The following PDE4B variants were observed in gnomAD, a reference collection of about 807,000 sequenced individuals.
PDE4B encodes the protein 3',5'-cyclic-AMP phosphodiesterase 4B.
PDE4B carries 20 observed loss-of-function variants against 82.2 expected under a neutral mutation model. That is an observed-to-expected ratio of 0.24 (90% CI 0.17 to 0.35). PDE4B has a LOEUF of 0.35. Among genes scored for constraint, PDE4B ranks in the 10% least tolerant of loss-of-function variants. The probability of loss-of-function intolerance (pLI) is 1.00; values close to 1 mark genes in which losing one functional copy is unlikely to be tolerated. For synonymous variants in PDE4B, 320 were observed against 318.9 expected (o/e 1.00, Z -0.04); for missense variants, 655 against 907.2 (o/e 0.72, Z 3.57).
chr1:66,188,209 A>AT (rs1244644879), intron 3 of PDE4B, among the ~76,000 whole-genome samples: 1 of 151,976 alleles, frequency 6.6e-6, no homozygotes, highest in Non-Finnish European at 1.5e-5. Context: ...ACAGTTTGTT[A>AT]TAATTTCTGT....
intron 1 of PDE4B, among the ~76,000 whole-genome samples, chr1:65,875,851 G>A (rs1646634931): frequency 6.6e-6 from 1 of 151,398 alleles, no homozygotes; most frequent in Non-Finnish European, 1.5e-5. Flanking sequence ...ACCTAATGTT[G>A]GATGACGAGT....
At chr1:65,918,213 G>A (rs1381809243) in intron 2 of PDE4B, among the ~76,000 whole-genome samples, 2 of 152,130 alleles carry the variant, frequency 1.3e-5, no homozygotes, top group Admixed American at 1.3e-4. Flanking sequence ...TTTTCTCATA[G>A]TTTGTTCCCA....
chr1:66,035,676 G>A (rs1011657229), intron 3 of PDE4B, among the ~76,000 whole-genome samples: 19 of 152,072 alleles, frequency 1.2e-4, no homozygotes, highest in Non-Finnish European at 2.4e-4. Context: ...TTTTGTAAAG[G>A]CTGAAAAGTA....
chr1:66,367,445 A>T, intron 13 of PDE4B: 1 of 331,600 alleles, frequency 3.0e-6, no homozygotes, highest in Non-Finnish European at 5.5e-6. Flanking sequence ...ATATAGAAGG[A>T]GTAAAAGGAT....
chr1:66,144,440 A>ATTT (rs1201497031), intron 3 of PDE4B, among the ~76,000 whole-genome samples: 3 of 152,148 alleles, frequency 2.0e-5, no homozygotes, highest in African/African-American at 7.2e-5. Flanking sequence ...AATTCCTGAA[A>ATTT]CTCTAGTAGA....
chr1:65,850,216 C>G (rs1223371560), intron 1 of PDE4B, among the ~76,000 whole-genome samples: 1 of 150,540 alleles, frequency 6.6e-6, no homozygotes, highest in African/African-American at 2.4e-5. Context: ...CCTGCCTCAG[C>G]CTCCCAAGTA....
intron 1 of PDE4B, among the ~76,000 whole-genome samples, chr1:65,793,557 T>G (rs1008134831): frequency 6.6e-6 from 1 of 152,250 alleles, no homozygotes; most frequent in South Asian, 2.1e-4. Flanking sequence ...GCAGAAGGAT[T>G]CAGGGCTTGG....
At chr1:66,013,495 A>G (rs1245762919) in intron 3 of PDE4B, among the ~76,000 whole-genome samples, 1 of 152,146 alleles carries the variant, frequency 6.6e-6, no homozygotes, top group Non-Finnish European at 1.5e-5. Flanking sequence ...GTGGTGAAAC[A>G]CAACCCAAAA....
At chr1:66,230,612 C>T (rs1042921530) in intron 3 of PDE4B, among the ~76,000 whole-genome samples, 9 of 152,088 alleles carry the variant, frequency 5.9e-5, no homozygotes, top group Admixed American at 1.3e-4. Context: ...ATTTAATTTG[C>T]GCATCACAAA....
chr1:66,107,833 A>G (rs1645400011), intron 3 of PDE4B, among the ~76,000 whole-genome samples: 1 of 151,966 alleles, frequency 6.6e-6, no homozygotes, highest in African/African-American at 2.4e-5. Context: ...AGACAATAAA[A>G]GCTGTTTGTA....
intron 7 of PDE4B, among the ~76,000 whole-genome samples, chr1:66,297,603 C>G (rs1015906099): frequency 6.6e-6 from 1 of 152,110 alleles, no homozygotes; most frequent in Non-Finnish European, 1.5e-5. Context: ...TCCAAAAAGT[C>G]CTTTTTATTA....
At chr1:66,239,790 CTAAG>C (rs1652739653) in intron 3 of PDE4B, among the ~76,000 whole-genome samples, 1 of 152,116 alleles carries the variant, frequency 6.6e-6, no homozygotes. Flanking sequence ...AGTAGAGAAA[CTAAG>C]TGTTGATATT....
chr1:66,238,100 T>C (rs1652604192), intron 3 of PDE4B, among the ~76,000 whole-genome samples: 1 of 152,186 alleles, frequency 6.6e-6, no homozygotes, highest in Non-Finnish European at 1.5e-5. Context: ...AAGGCAGCCA[T>C]CCAGAGAGTA....
rs542323538 is a variant in PDE4B, at chr1:66,353,441, A to C, written c.748-2086A>C. On this transcript the variant is annotated intron_variant, in intron 8 of 16. Transcript: ENST00000341517. ...ACTCCGGGCTTGGATGCTTGAAATAAAGCTATTGTTGGATGCGGATGCTCA... is the reference window on the plus strand; with the variant it reads ...ACTCCGGGCTTGGATGCTTGAAATACAGCTATTGTTGGATGCGGATGCTCA... Among the ~76,000 whole-genome samples the C allele has an allele frequency of 3.3e-5, 5 of 152,284 alleles. No homozygotes were observed. The South Asian group carries it at 1.0e-3, about 32-fold the overall frequency.
At chr1:66,168,348 A>G (rs920239488) in intron 3 of PDE4B, among the ~76,000 whole-genome samples, 7 of 151,458 alleles carry the variant, frequency 4.6e-5, no homozygotes, top group African/African-American at 9.7e-5. Flanking sequence ...ATGTTGTGAG[A>G]AAAAAAAAGC....
intron 3 of PDE4B, among the ~76,000 whole-genome samples, chr1:66,237,562 A>C (rs1380479717): frequency 6.6e-6 from 1 of 152,170 alleles, no homozygotes; most frequent in Non-Finnish European, 1.5e-5. Flanking sequence ...GTGAAATTTG[A>C]TCTGAAAACC....
intron 3 of PDE4B, among the ~76,000 whole-genome samples, chr1:66,037,402 TC>T (rs1435891440): frequency 1.3e-5 from 2 of 152,162 alleles, no homozygotes; most frequent in Non-Finnish European, 2.9e-5. Flanking sequence ...TTTTCTTATT[TC>T]TTTTTCAGAC....
intron 3 of PDE4B, among the ~76,000 whole-genome samples, chr1:66,067,518 C>A (rs1655921021): frequency 6.6e-6 from 1 of 152,050 alleles, no homozygotes; most frequent in South Asian, 2.1e-4. Context: ...CTCCTTCGCC[C>A]ACTTGTTGAT....
At chr1:66,012,816 A>T (rs1652560125) in intron 3 of PDE4B, among the ~76,000 whole-genome samples, 1 of 152,150 alleles carries the variant, frequency 6.6e-6, no homozygotes, top group Non-Finnish European at 1.5e-5. Flanking sequence ...TTATGTAGTT[A>T]GGTGTGCAGT....
Sources: allele counts gnomAD v4.1 joint callset (sites outside exome capture counted in the v4.1 genomes callset), GRCh38; gene constraint gnomAD v4.1.1; transcripts MANE v1.5; gene names NCBI Gene and HGNC (gene_info 2026-07-23, HGNC 2026-07-21).